The following NELL1 variants were observed in gnomAD, a reference collection of about 807,000 sequenced individuals.
NELL1 encodes the protein protein kinase C-binding protein NELL1.
NELL1 carries 76 observed loss-of-function variants against 107.4 expected under a neutral mutation model. The observed-to-expected ratio is 0.71, with a 90% CI of 0.59 to 0.86. NELL1 has a LOEUF of 0.86. NELL1 is among the 40% of genes least tolerant of loss of function. NELL1 has a pLI of 0.00. For synonymous variants in NELL1, 353 were observed against 341.2 expected, an observed-to-expected ratio of 1.03 and a Z score of -0.38; for missense variants, 1,024 against 1,005.5, an observed-to-expected ratio of 1.02 and a Z score of -0.25.
At chr11:21,514,086 G>T (rs540510591) in intron 15 of NELL1, among the ~76,000 whole-genome samples, 30 of 152,270 alleles carry the variant, frequency 2.0e-4, no homozygotes, top group African/African-American at 5.8e-4. Flanking sequence ...GCAAATGATT[G>T]ACCTGGCAGT....
intron 12 of NELL1, among the ~76,000 whole-genome samples, chr11:20,995,623 A>G (rs1852074700): frequency 1.3e-5 from 2 of 152,032 alleles, no homozygotes; most frequent in African/African-American, 2.4e-5. Flanking sequence ...TCTACATCCC[A>G]GAAGAGAAGA....
intron 5 of NELL1, among the ~76,000 whole-genome samples, chr11:20,915,717 A>ATATATATATATATATATATATATTTTT: frequency 1.4e-4 from 8 of 58,216 alleles, no homozygotes; most frequent in African/African-American, 5.3e-4. Context: ...ATATATATAT[A>ATATATATATATATATATATATATTTTT]TTTTTTTTTT....
chr11:21,541,407 T>C (rs1218348749), intron 16 of NELL1, among the ~76,000 whole-genome samples: 1 of 152,130 alleles, frequency 6.6e-6, no homozygotes, highest in African/African-American at 2.4e-5. Context: ...AATGTTCCGC[T>C]GAAATCCCTT....
At chr11:21,035,598 G>A (rs1381375427) in intron 12 of NELL1, among the ~76,000 whole-genome samples, 2 of 152,000 alleles carry the variant, frequency 1.3e-5, no homozygotes, top group Non-Finnish European at 2.9e-5. Context: ...ATCAATAAAT[G>A]TGATTCATCA....
chr11:20,713,157 G>A (rs1422840800), intron 2 of NELL1, among the ~76,000 whole-genome samples: 1 of 152,186 alleles, frequency 6.6e-6, no homozygotes, highest in Non-Finnish European at 1.5e-5. Flanking sequence ...GGGGATATAA[G>A]CTTGCCCTAA....
chr11:21,408,823 T>G (rs1426331288), intron 15 of NELL1, among the ~76,000 whole-genome samples: 2 of 151,928 alleles, frequency 1.3e-5, no homozygotes, highest in African/African-American at 4.8e-5. Flanking sequence ...AAAAAACACA[T>G]GAAAAAATGC....
intron 4 of NELL1, among the ~76,000 whole-genome samples, chr11:20,885,011 C>T (rs1245626940): frequency 6.6e-6 from 1 of 152,196 alleles, no homozygotes; most frequent in Admixed American, 6.5e-5. Flanking sequence ...CGGAGAATAG[C>T]AGGGTGCAAA....
intron 3 of NELL1, among the ~76,000 whole-genome samples, chr11:20,795,300 G>A (rs1857148656): frequency 6.6e-6 from 1 of 152,140 alleles, no homozygotes; most frequent in Non-Finnish European, 1.5e-5. Context: ...GAAATATAAA[G>A]ACTATTAAAA....
chr11:20,764,890 G>T (rs1366674777), intron 2 of NELL1, among the ~76,000 whole-genome samples: 1 of 152,104 alleles, frequency 6.6e-6, no homozygotes, highest in African/African-American at 2.4e-5. Context: ...GGCTGGGAAG[G>T]ATGACTCATG....
At chr11:20,911,075 A>T (rs1850120988) in intron 5 of NELL1, among the ~76,000 whole-genome samples, 1 of 152,194 alleles carries the variant, frequency 6.6e-6, no homozygotes, top group Non-Finnish European at 1.5e-5. Context: ...GGATATGATT[A>T]AGAGAGAGAG....
chr11:21,574,761 C>T (rs924587821), intron 19 of NELL1, among the ~76,000 whole-genome samples: 3 of 151,792 alleles, frequency 2.0e-5, no homozygotes, highest in African/African-American at 7.2e-5. Flanking sequence ...TAGCAGAATC[C>T]CAGTGAGCAG....
chr11:21,470,158 A>C (rs1356115067), intron 15 of NELL1, among the ~76,000 whole-genome samples: 1 of 152,076 alleles, frequency 6.6e-6, no homozygotes, highest in Non-Finnish European at 1.5e-5. Flanking sequence ...TGAGGTAAAG[A>C]TATATGCAGA....
rs190371395 is a variant in NELL1, at chr11:20,844,376, T to G, written c.336-3207T>G. 3.2e-4 allele frequency among the ~76,000 whole-genome samples: 49 copies of G among 152,308 alleles called. No individual in the cohort carries two copies. The East Asian group carries it at 9.1e-3, about 28-fold the overall frequency. On this transcript the variant is annotated intron_variant, in intron 3 of 19. Coordinates refer to ENST00000357134, the MANE Select transcript of NELL1 (RefSeq NM_006157.5). ...CGATATTTGCAGGATGAGCAGACTT[T>G]TCTGGGAGCGAAGGCAGTTTGTTGG... is the stretch of plus-strand genomic sequence containing the variant.
intron 14 of NELL1, among the ~76,000 whole-genome samples, chr11:21,319,204 C>T (rs1849948166): frequency 6.6e-6 from 1 of 151,132 alleles, no homozygotes; most frequent in Admixed American, 6.6e-5. Flanking sequence ...GAGACAGAGT[C>T]TTGCTATGTC....
intron 2 of NELL1, among the ~76,000 whole-genome samples, chr11:20,718,165 C>G (rs952580212): frequency 1.3e-5 from 2 of 152,152 alleles, no homozygotes; most frequent in African/African-American, 2.4e-5. Context: ...TCCAGAGCAG[C>G]ATTATCCAAT....
chr11:21,166,284 C>CA (rs1439892809), intron 13 of NELL1, among the ~76,000 whole-genome samples: 1 of 151,026 alleles, frequency 6.6e-6, no homozygotes, highest in East Asian at 1.9e-4. Context: ...TTAATGGGTA[C>CA]AAAAAAGTAG....
At chr11:21,284,398 C>T in intron 14 of NELL1, 2 of 457,254 alleles carry the variant, frequency 4.4e-6, no homozygotes, top group Non-Finnish European at 8.8e-6. Context: ...CTGAATATGC[C>T]TTCCAGCTGG....
At chr11:20,986,243 G>C (rs1224071813) in intron 12 of NELL1, among the ~76,000 whole-genome samples, 2 of 152,132 alleles carry the variant, frequency 1.3e-5, no homozygotes, top group Non-Finnish European at 2.9e-5. Flanking sequence ...AAGAGAATAT[G>C]TTAGATCAGG....
In NELL1 at chr11:20,926,081, G is replaced by C. The variant is rs145829051; in HGVS notation, c.760-1227G>C. 7.2e-5 allele frequency among the ~76,000 whole-genome samples: 11 copies of C among 152,256 alleles called. No homozygotes were observed. The East Asian group carries it at 2.1e-3, about 29-fold the overall frequency. On this transcript the variant is annotated intron_variant, in intron 7 of 19. Transcript: ENST00000357134. ...TGAAAGGATAAACATGATTGAGAAGGAAAAGAGAAACTCAGATAATTTTCT... is the reference window on the plus strand; with the variant it reads ...TGAAAGGATAAACATGATTGAGAAGCAAAAGAGAAACTCAGATAATTTTCT...
Sources: allele counts gnomAD v4.1 joint callset (sites outside exome capture counted in the v4.1 genomes callset), GRCh38; gene constraint gnomAD v4.1.1; transcripts MANE v1.5; gene names NCBI Gene and HGNC (gene_info 2026-07-23, HGNC 2026-07-21).